Variants in TEKTIP1 observed in about 807,000 individuals in gnomAD.
TEKTIP1 encodes the protein tektin bundle-interacting protein 1.
At chr19:3,543,021 CGATGTGT>C in the TEKTIP1 span, 1 of 1,604,160 alleles carries the variant, frequency 6.2e-7, no homozygotes, top group Non-Finnish European at 8.5e-7. Flanking sequence ...GCTTGGGGTG[CGATGTGT>C]GGGGAGAGGG....
the TEKTIP1 span, chr19:3,542,337 G>A: frequency 1.4e-5 from 14 of 985,382 alleles, no homozygotes; most frequent in African/African-American, 1.4e-4. Flanking sequence ...AGCTGGAACC[G>A]GGCTTTCCGT....
chr19:3,543,055 C>T, the TEKTIP1 span: 1 of 1,601,486 alleles, frequency 6.2e-7, no homozygotes, highest in Non-Finnish European at 8.5e-7. Flanking sequence ...AGCCTCTCTC[C>T]TCAAGCACCC....
At chr19:3,543,502 G>A in the TEKTIP1 span, 1 of 1,345,680 alleles carries the variant, frequency 7.4e-7, no homozygotes, top group African/African-American at 1.6e-5. Flanking sequence ...GCCCTGGGCA[G>A]CGGGCCTGCC....
At chr19:3,539,421 CGGCCAGT>C in the TEKTIP1 span, 1 of 591,184 alleles carries the variant, frequency 1.7e-6, no homozygotes, top group Non-Finnish European at 3.1e-6. Context: ...TGTTCCCCTC[CGGCCAGT>C]GGCCGCTCAC....
chr19:3,541,715 T>C, the TEKTIP1 span: 1 of 985,280 alleles, frequency 1.0e-6, no homozygotes, highest in Non-Finnish European at 1.2e-6. Flanking sequence ...TACCACCTGC[T>C]CCTGGGAGGA....
chr19:3,541,298 T>C, the TEKTIP1 span, among the ~76,000 whole-genome samples: 1 of 151,522 alleles, frequency 6.6e-6, no homozygotes, highest in Non-Finnish European at 1.5e-5. Context: ...ATCGTGCCAC[T>C]GCATTCCAGC....
chr19:3,543,471 C>T, the TEKTIP1 span: 64 of 1,475,160 alleles, frequency 4.3e-5, no homozygotes, highest in South Asian at 8.6e-5. Context: ...AGCATGCCAT[C>T]GGGTGAGTGC....
At chr19:3,543,991 T>C in the TEKTIP1 span, 1 of 1,543,680 alleles carries the variant, frequency 6.5e-7, no homozygotes, top group Non-Finnish European at 8.8e-7. Context: ...CCGCCTTCCC[T>C]CACACCCACT....
chr19:3,543,354 C>T, the TEKTIP1 span: 9 of 1,549,350 alleles, frequency 5.8e-6, no homozygotes, highest in Non-Finnish European at 7.0e-6. Context: ...ACAGGCCTGA[C>T]CAACTCGGAC....
chr19:3,540,491 C>G, the TEKTIP1 span, among the ~76,000 whole-genome samples: 1 of 151,514 alleles, frequency 6.6e-6, no homozygotes, highest in Non-Finnish European at 1.5e-5. Context: ...CTCCTGACCT[C>G]ATGATCTGCC....
chr19:3,542,496 C>CA, the TEKTIP1 span: 1 of 978,728 alleles, frequency 1.0e-6, no homozygotes, highest in Non-Finnish European at 1.2e-6. Context: ...GTTTTTGAGA[C>CA]AGAGTCTCAC....
At chr19:3,542,898 A>T in the TEKTIP1 span, 2 of 1,414,882 alleles carry the variant, frequency 1.4e-6, no homozygotes, top group Non-Finnish European at 1.9e-6. Context: ...TGGGTCTTGG[A>T]GGCTGGACAA....
chr19:3,543,455 G>C, the TEKTIP1 span: 3 of 1,543,414 alleles, frequency 1.9e-6, no homozygotes, highest in Non-Finnish European at 2.6e-6. Context: ...CCAACACCGT[G>C]AGTGCAGCAT....
At chr19:3,541,696 G>A in the TEKTIP1 span, 8 of 985,356 alleles carry the variant, frequency 8.1e-6, no homozygotes. Flanking sequence ...TAACGGGGGT[G>A]AGTGCATGTA....
chr19:3,542,843 T>C, the TEKTIP1 span: 1 of 1,378,226 alleles, frequency 7.3e-7, no homozygotes, highest in South Asian at 1.1e-5. Context: ...CACTTCTTCC[T>C]GGTGCACCTC....
the TEKTIP1 span, chr19:3,543,775 G>A: frequency 1.3e-4 from 190 of 1,490,702 alleles, no homozygotes; most frequent in Admixed American, 3.6e-4. Context: ...GGAGCCCCTT[G>A]CTGGCCAACG....
the TEKTIP1 span, among the ~76,000 whole-genome samples, chr19:3,540,585 AAATC>A: frequency 6.6e-6 from 1 of 151,896 alleles, no homozygotes; most frequent in Non-Finnish European, 1.5e-5. Flanking sequence ...AAAAATTTAA[AAATC>A]AGCCAGGCAG....
chr19:3,542,776 C>T, the TEKTIP1 span: 7 of 1,364,554 alleles, frequency 5.1e-6, no homozygotes, highest in African/African-American at 8.9e-5. Flanking sequence ...AGCCACACAC[C>T]TGGCCTAGTG....
At chr19:3,540,871 CA>C in the TEKTIP1 span, among the ~76,000 whole-genome samples, 592 of 61,044 alleles carry the variant, frequency 9.7e-3, 3 homozygotes, top group Middle Eastern at 0.019. Context: ...AACTCCATCT[CA>C]AAAAAAAAAA....
Sources: allele counts gnomAD v4.1 joint callset (sites outside exome capture counted in the v4.1 genomes callset), GRCh38; gene constraint gnomAD v4.1.1; transcripts MANE v1.5; gene names NCBI Gene and HGNC (gene_info 2026-07-23, HGNC 2026-07-21).